The following TPRG1 variants were observed in gnomAD, a reference collection of about 807,000 sequenced individuals.
TPRG1 encodes the protein tumor protein p63-regulated gene 1 protein.
A neutral mutation model predicts 29.3 loss-of-function variants in TPRG1; 29 were observed. The observed-to-expected ratio is 0.99, with a 90% CI of 0.74 to 1.35. The LOEUF is 1.35. Ranked by LOEUF, TPRG1 falls within the 40% of genes most tolerant of loss-of-function variation. TPRG1 has a pLI of 0.00. For missense variants in TPRG1, 327 were observed against 335.0 expected, an observed-to-expected ratio of 0.98 and a Z score of 0.19; for synonymous variants, 130 against 116.8, an observed-to-expected ratio of 1.11 and a Z score of -0.73.
upstream of TPRG1, among the ~76,000 whole-genome samples, chr3:189,099,566 G>T (rs929434574): frequency 6.6e-6 from 1 of 152,064 alleles, no homozygotes; most frequent in African/African-American, 2.4e-5. Context: ...AAGTTTCTGC[G>T]GTGTTTTAGT....
At chr3:189,242,542 G>T (rs995402877) in intron 4 of TPRG1, among the ~76,000 whole-genome samples, 1 of 151,996 alleles carries the variant, frequency 6.6e-6, no homozygotes, top group African/African-American at 2.4e-5. Flanking sequence ...GATAATTTTT[G>T]TGCCTGTGTT....
intron 5 of TPRG1, among the ~76,000 whole-genome samples, chr3:189,313,374 A>G (rs990592837): frequency 6.6e-6 from 1 of 152,214 alleles, no homozygotes; most frequent in Non-Finnish European, 1.5e-5. Context: ...TGGCAAAAAC[A>G]TGAGATTTTA....
chr3:189,008,959 C>T (rs1302137012), intron 3 of TPRG1, among the ~76,000 whole-genome samples: 1 of 152,090 alleles, frequency 6.6e-6, no homozygotes, highest in African/African-American at 2.4e-5. Context: ...CTTTACTCTT[C>T]CTGGATTGAG....
chr3:189,201,496 A>G (rs1733481544), intron 1 of TPRG1, among the ~76,000 whole-genome samples: 1 of 152,146 alleles, frequency 6.6e-6, no homozygotes, highest in Non-Finnish European at 1.5e-5. Context: ...CTAGATTTAA[A>G]AAGGGGGCAG....
At chr3:189,232,394 A>C (rs1338215207) in intron 3 of TPRG1, among the ~76,000 whole-genome samples, 1 of 152,214 alleles carries the variant, frequency 6.6e-6, no homozygotes, top group East Asian at 1.9e-4. Context: ...TGAAGGGTTG[A>C]TAAGATAACC....
chr3:189,159,865 T>TGTGTGTGTGTGTGTGTGTG (rs1415903161), intron 5 of TPRG1, among the ~76,000 whole-genome samples: 2 of 137,452 alleles, frequency 1.5e-5, no homozygotes, highest in African/African-American at 5.3e-5. Flanking sequence ...TGTGTGTGTG[T>TGTGTGTGTGTGTGTGTGTG]GTGGTGGTGG....
chr3:189,226,103 CAGA>C (rs2108883239), intron 3 of TPRG1, among the ~76,000 whole-genome samples: 1 of 152,314 alleles, frequency 6.6e-6, no homozygotes, highest in African/African-American at 2.4e-5. Context: ...CACCGCTAGA[CAGA>C]AGATCAGGAA....
chr3:189,036,645 C>T (rs940984747), intron 4 of TPRG1, among the ~76,000 whole-genome samples: 2 of 151,714 alleles, frequency 1.3e-5, no homozygotes, highest in Non-Finnish European at 1.5e-5. Context: ...ACACCATATA[C>T]GTGACAACAG....
chr3:189,183,224 C>G (rs960317846), intron 1 of TPRG1, among the ~76,000 whole-genome samples: 13 of 151,972 alleles, frequency 8.6e-5, no homozygotes, highest in African/African-American at 2.9e-4. Context: ...TGATGCCCCG[C>G]AAGCCACAGA....
At chr3:189,236,359 C>T (rs1739452953) in intron 3 of TPRG1, among the ~76,000 whole-genome samples, 1 of 152,148 alleles carries the variant, frequency 6.6e-6, no homozygotes, top group Admixed American at 6.5e-5. Context: ...GTTTATTAGG[C>T]AGCAGCTTAT....
intron 4 of TPRG1, among the ~76,000 whole-genome samples, chr3:189,270,733 C>T (rs73061049): frequency 0.087 from 13,202 of 152,150 alleles, 712 homozygotes; most frequent in African/African-American, 0.16. Context: ...TCATCACTAT[C>T]GGGTGCCATT....
intron 5 of TPRG1, among the ~76,000 whole-genome samples, chr3:189,316,173 G>A (rs980077580): frequency 6.6e-6 from 1 of 152,146 alleles, no homozygotes; most frequent in Non-Finnish European, 1.5e-5. Flanking sequence ...GGATGAGGAT[G>A]GAAATTGCTA....
chr3:189,024,336 C>T (rs1467762554), intron 4 of TPRG1, among the ~76,000 whole-genome samples: 2 of 152,322 alleles, frequency 1.3e-5, no homozygotes, highest in South Asian at 2.1e-4. Flanking sequence ...TTCGTTTGGA[C>T]TCTCCAAAGC....
rs184990638 is a variant in TPRG1 at position 189,294,214 on chromosome 3, G to A, written c.480-16172G>A. On this transcript the variant is annotated intron_variant, in intron 4 of 5. Transcript: ENST00000345063. ...TTTGAAAATTGAAGTTTAAATTTCT[G>A]GAGAATGATAAAAGGGAAGAGATCA... Among the ~76,000 whole-genome samples the A allele has an allele frequency of 3.9e-5, 6 of 152,286 alleles. No homozygotes were observed. In the East Asian group the frequency reaches 1.2e-3, roughly 29 times the overall value.
chr3:189,289,880 G>A (rs1718708950), intron 4 of TPRG1, among the ~76,000 whole-genome samples: 1 of 152,116 alleles, frequency 6.6e-6, no homozygotes, highest in Non-Finnish European at 1.5e-5. Context: ...TAACAGAGTT[G>A]TTATAGCTAC....
At chr3:189,113,390 C>T (rs1288176489) in intron 1 of TPRG1, among the ~76,000 whole-genome samples, 1 of 152,254 alleles carries the variant, frequency 6.6e-6, no homozygotes, top group Admixed American at 6.5e-5. Context: ...CCTAATTGCC[C>T]TGGCCAGAAC....
intron 4 of TPRG1, among the ~76,000 whole-genome samples, chr3:189,032,592 TTTC>T (rs1381235794): frequency 4.5e-3 from 672 of 148,664 alleles, no homozygotes; most frequent in African/African-American, 0.016. Flanking sequence ...CTCCTTTTTT[TTTC>T]TTTTTTTTTA....
chr3:189,083,019 G>A (rs1214903926), intron 4 of TPRG1, among the ~76,000 whole-genome samples: 1 of 152,250 alleles, frequency 6.6e-6, no homozygotes, highest in South Asian at 2.1e-4. Flanking sequence ...GGGAGAAGAT[G>A]GCACGGCTCA....
chr3:189,221,190 A>G (rs1277693502), intron 3 of TPRG1, among the ~76,000 whole-genome samples: 3 of 152,216 alleles, frequency 2.0e-5, no homozygotes, highest in Non-Finnish European at 2.9e-5. Context: ...TATAATAATA[A>G]TATTTCTATA....
Sources: gnomAD v4.1 joint callset for allele counts (sites outside exome capture counted in the v4.1 genomes callset) on GRCh38, gnomAD v4.1.1 for gene constraint, MANE v1.5 for transcripts, NCBI Gene and HGNC (gene_info 2026-07-23, HGNC 2026-07-21) for gene names.